Variants in POU6F2 observed in about 807,000 individuals in gnomAD.
POU6F2 encodes POU domain, class 6, transcription factor 2.
A neutral mutation model predicts 71.3 loss-of-function variants in POU6F2; 31 were observed. The observed-to-expected ratio is 0.43, with a 90% CI of 0.33 to 0.59. The LOEUF (loss-of-function observed/expected upper bound fraction) is 0.59. POU6F2 is among the 20% of genes least tolerant of loss of function. The pLI is 0.04. For synonymous variants in POU6F2, 347 were observed against 355.7 expected, an observed-to-expected ratio of 0.98 and a Z score of 0.27; for missense variants, 783 against 856.8, an observed-to-expected ratio of 0.91 and a Z score of 1.07.
chr7:39,058,024 C>A (rs532020801), intron 1 of POU6F2, among the ~76,000 whole-genome samples: 83 of 152,256 alleles, frequency 5.5e-4, no homozygotes, highest in African/African-American at 1.9e-3. Flanking sequence ...TGGGGCCCTG[C>A]GGGTACCCAG....
rs559508787 is a variant in POU6F2, at chr7:39,085,829, T to C, written c.106-31T>C. On this transcript the variant is annotated intron_variant, in intron 1 of 9. Coordinates refer to ENST00000518318, the MANE Select transcript of POU6F2 (RefSeq NM_001370959.1). ...CACTCTAAATCTGCCACTTTTTTTT[T>C]CCTCCCCTTCACTCTTTTCGCCCAT... The C allele has an allele frequency of 1.2e-4, 191 of 1,610,312 alleles. 1 individual carries two copies. Among genetic ancestry groups the C allele is most frequent in the South Asian group, 8.0e-4 (72 of 90,368 alleles).
At chr7:39,155,922 T>C (rs540117608) in intron 2 of POU6F2, among the ~76,000 whole-genome samples, 4 of 152,210 alleles carry the variant, frequency 2.6e-5, no homozygotes, top group Non-Finnish European at 5.9e-5. Context: ...GTACCTATTG[T>C]TGAAGCCCCT....
intron 5 of POU6F2, among the ~76,000 whole-genome samples, chr7:39,394,651 A>G (rs1787137598): frequency 6.6e-6 from 1 of 152,180 alleles, no homozygotes; most frequent in Non-Finnish European, 1.5e-5. Context: ...GCTTTCTGAC[A>G]TCCCACAATC....
rs1785864554 is a variant in POU6F2 at position 39,339,651 on chromosome 7, C to G, written c.608C>G (p.Ser203Cys). ...LPLQNLQATS[S>C]LNSQLQQLQL... ...CTTTCTCTCCTTGTAGCTACCTCAT[C>G]CCTGAACTCCCAGCTCCAGCAGCTC... Residue 203 changes from serine (S) to cysteine (C), a missense_variant, in exon 5 of 10, where the codon TCC becomes TGC. By Grantham distance (112) the Ser-to-Cys change is moderately radical. This residue lies in a region of POU6F2 where 572 missense variants were observed against 572.9 expected (regional missense o/e 1.00). Transcript: ENST00000518318. 1 of 1,591,978 alleles carries G rather than the reference C, an allele frequency of 6.3e-7. No homozygotes were observed. The highest frequency in any genetic ancestry group is 8.5e-7 in the Non-Finnish European group (1 of 1,174,690).
intron 2 of POU6F2, among the ~76,000 whole-genome samples, chr7:39,193,865 A>G (rs1025435467): frequency 1.3e-5 from 2 of 152,194 alleles, no homozygotes; most frequent in Non-Finnish European, 2.9e-5. Flanking sequence ...ATTTATTTAG[A>G]CAGTTTATAC....
At chr7:39,360,705 C>T (rs1222042807) in intron 5 of POU6F2, among the ~76,000 whole-genome samples, 2 of 152,172 alleles carry the variant, frequency 1.3e-5, no homozygotes, top group African/African-American at 2.4e-5. Context: ...AGAGGAGCCC[C>T]GAGGGCTGCT....
chr7:39,075,410 G>A (rs1790977181), intron 1 of POU6F2, among the ~76,000 whole-genome samples: 1 of 152,072 alleles, frequency 6.6e-6, no homozygotes, highest in Non-Finnish European at 1.5e-5. Flanking sequence ...GGGCAGGATG[G>A]ATTTTTGTAT....
At chr7:39,108,664 AG>A (rs1197903064) in intron 2 of POU6F2, among the ~76,000 whole-genome samples, 1 of 152,174 alleles carries the variant, frequency 6.6e-6, no homozygotes, top group Non-Finnish European at 1.5e-5. Context: ...CCCAAGAGGA[AG>A]TTTTTTTTTG....
rs565271359 is a variant in POU6F2 at position 38,982,671 on chromosome 7, T to G, written c.105+4613T>G. Among the ~76,000 whole-genome samples, 3 of 152,238 alleles carry G rather than the reference T, an allele frequency of 2.0e-5. No homozygotes were observed. The South Asian group carries it at 6.2e-4, about 32-fold the overall frequency. On this transcript the variant is annotated intron_variant, in intron 1 of 9. Transcript: ENST00000518318. Reference sequence around the variant, plus strand: ...ATAGTAATACTACTATCCAATAATGTTAATACTAAACAACAATTAGATGAA... The same window carrying G: ...ATAGTAATACTACTATCCAATAATGGTAATACTAAACAACAATTAGATGAA...
intron 1 of POU6F2, among the ~76,000 whole-genome samples, chr7:39,081,362 C>A (rs542503899): frequency 5.3e-5 from 8 of 152,206 alleles, no homozygotes; most frequent in Non-Finnish European, 1.2e-4. Flanking sequence ...GTCAGATAAT[C>A]TTGGGAAAGT....
chr7:39,310,986 G>A (rs956934567), intron 4 of POU6F2, among the ~76,000 whole-genome samples: 1 of 152,142 alleles, frequency 6.6e-6, no homozygotes, highest in South Asian at 2.1e-4. Flanking sequence ...CCTGAATTGG[G>A]GGGACAGTTA....
intron 5 of POU6F2, among the ~76,000 whole-genome samples, chr7:39,403,986 C>T (rs549228796): frequency 1.5e-3 from 230 of 152,280 alleles, no homozygotes; most frequent in Non-Finnish European, 2.9e-3. Flanking sequence ...CAGACAACTT[C>T]CACAAAGACC....
At chr7:39,285,751 C>G (rs1308915843) in intron 4 of POU6F2, among the ~76,000 whole-genome samples, 4 of 152,176 alleles carry the variant, frequency 2.6e-5, no homozygotes, top group Non-Finnish European at 5.9e-5. Flanking sequence ...TGGCCCTTGG[C>G]TTTACACAAG....
chr7:39,410,163 C>T (rs1787523601), intron 6 of POU6F2, among the ~76,000 whole-genome samples: 1 of 152,154 alleles, frequency 6.6e-6, no homozygotes, highest in South Asian at 2.1e-4. Flanking sequence ...GCCTGGACAA[C>T]ACGGCGAATC....
At chr7:39,002,750 T>C (rs1025279559) in intron 1 of POU6F2, among the ~76,000 whole-genome samples, 1 of 152,404 alleles carries the variant, frequency 6.6e-6, no homozygotes, top group Non-Finnish European at 1.5e-5. Flanking sequence ...TTTCTTCAAG[T>C]GACTACAAGT....
At chr7:39,195,636 A>G (rs1429431781) in intron 2 of POU6F2, among the ~76,000 whole-genome samples, 2 of 150,394 alleles carry the variant, frequency 1.3e-5, no homozygotes, top group South Asian at 2.1e-4. Flanking sequence ...ATGTGGGGCC[A>G]CTTGGTTAAC....
At chr7:39,213,662 G>A (rs990542919) in intron 4 of POU6F2, among the ~76,000 whole-genome samples, 3 of 151,938 alleles carry the variant, frequency 2.0e-5, no homozygotes, top group East Asian at 1.9e-4. Flanking sequence ...TTTCTCATTC[G>A]GCATAATGTT....
intron 5 of POU6F2, among the ~76,000 whole-genome samples, chr7:39,399,559 A>G (rs1787251971): frequency 1.3e-5 from 2 of 152,230 alleles, no homozygotes; most frequent in Admixed American, 1.3e-4. Context: ...AGAGACACAT[A>G]AAGCAAGGTC....
intron 4 of POU6F2, among the ~76,000 whole-genome samples, chr7:39,297,484 C>A (rs1468671095): frequency 6.6e-6 from 1 of 152,134 alleles, no homozygotes; most frequent in Non-Finnish European, 1.5e-5. Context: ...CTGACTACTA[C>A]TTGAACCAAA....
Sources: allele counts gnomAD v4.1 joint callset (sites outside exome capture counted in the v4.1 genomes callset), GRCh38; gene constraint gnomAD v4.1.1; regional missense constraint gnomAD v4.1.1; transcripts MANE v1.5; gene names NCBI Gene and HGNC (gene_info 2026-07-23, HGNC 2026-07-21).